Variants in SLC35D4 observed in about 807,000 individuals in gnomAD.
SLC35D4 encodes the protein UDP-N-acetylglucosamine transporter SLC35D4.
At chr18:23,348,392 C>T in the SLC35D4 span, among the ~76,000 whole-genome samples, 4 of 152,162 alleles carry the variant, frequency 2.6e-5, no homozygotes, top group African/African-American at 7.2e-5. Context: ...TCTATATTCA[C>T]GCTTTTCTAC....
the SLC35D4 span, among the ~76,000 whole-genome samples, chr18:23,427,940 G>A: frequency 6.6e-6 from 1 of 151,996 alleles, no homozygotes; most frequent in Non-Finnish European, 1.5e-5. Context: ...AACACCACAC[G>A]TTCTCACTCA....
chr18:23,316,365 G>A, the SLC35D4 span, among the ~76,000 whole-genome samples: 9 of 152,162 alleles, frequency 5.9e-5, no homozygotes, highest in African/African-American at 2.2e-4. Context: ...TCTGAGAGCA[G>A]GCTCTTTTTC....
chr18:23,346,813 G>C, the SLC35D4 span, among the ~76,000 whole-genome samples: 1 of 152,060 alleles, frequency 6.6e-6, no homozygotes, highest in Non-Finnish European at 1.5e-5. Context: ...GTGAAAACAA[G>C]GTATTACATT....
chr18:23,321,724 C>T, the SLC35D4 span, among the ~76,000 whole-genome samples: 1 of 152,102 alleles, frequency 6.6e-6, no homozygotes, highest in Non-Finnish European at 1.5e-5. Context: ...CAAAGTGCTG[C>T]GATTACAGGT....
At chr18:23,265,547 C>T in the SLC35D4 span, among the ~76,000 whole-genome samples, 1 of 146,710 alleles carries the variant, frequency 6.8e-6, no homozygotes, top group South Asian at 2.2e-4. Flanking sequence ...AAAAATATCA[C>T]ATGGCTCTCA....
chr18:23,325,321 A>G, the SLC35D4 span, among the ~76,000 whole-genome samples: 1 of 152,112 alleles, frequency 6.6e-6, no homozygotes, highest in Non-Finnish European at 1.5e-5. Flanking sequence ...TTAAAAAGGT[A>G]GATCAATTCA....
chr18:23,254,224 T>C, the SLC35D4 span, among the ~76,000 whole-genome samples: 1 of 152,264 alleles, frequency 6.6e-6, no homozygotes, highest in African/African-American at 2.4e-5. Context: ...TAGAAGCCAC[T>C]GTACCTGCAA....
At chr18:23,264,949 C>T in the SLC35D4 span, among the ~76,000 whole-genome samples, 3 of 152,186 alleles carry the variant, frequency 2.0e-5, no homozygotes, top group African/African-American at 7.2e-5. Flanking sequence ...CCGGCCTACA[C>T]TTTTAAATAA....
the SLC35D4 span, among the ~76,000 whole-genome samples, chr18:23,408,977 A>C: frequency 6.6e-6 from 1 of 152,040 alleles, no homozygotes; most frequent in Non-Finnish European, 1.5e-5. Flanking sequence ...TCTACTAAAA[A>C]TACAAAAATT....
chr18:23,301,696 G>A, the SLC35D4 span, among the ~76,000 whole-genome samples: 1 of 152,202 alleles, frequency 6.6e-6, no homozygotes, highest in Non-Finnish European at 1.5e-5. Flanking sequence ...ATTCCAAAGA[G>A]AAGGGTGACT....
the SLC35D4 span, among the ~76,000 whole-genome samples, chr18:23,418,226 T>C: frequency 5.3e-5 from 8 of 152,210 alleles, no homozygotes; most frequent in South Asian, 4.1e-4. Context: ...CTTCTGAATA[T>C]GGATTATGAT....
the SLC35D4 span, among the ~76,000 whole-genome samples, chr18:23,314,542 A>G: frequency 6.6e-6 from 1 of 152,180 alleles, no homozygotes; most frequent in African/African-American, 2.4e-5. Context: ...CATACATTAC[A>G]TTTTGTACTC....
At chr18:23,309,807 A>AT in the SLC35D4 span, 198 of 1,503,208 alleles carry the variant, frequency 1.3e-4, no homozygotes, top group Non-Finnish European at 1.6e-4. Context: ...CTCCAATGTC[A>AT]TTTTTTTCAC....
At chr18:23,296,537 A>G in the SLC35D4 span, 2 of 152,130 alleles carry the variant, frequency 1.3e-5, no homozygotes, top group African/African-American at 4.8e-5. Flanking sequence ...TGAACTCCCG[A>G]CCTCAGGTGA....
At chr18:23,436,064 C>T in the SLC35D4 span, among the ~76,000 whole-genome samples, 4 of 121,228 alleles carry the variant, frequency 3.3e-5, no homozygotes, top group East Asian at 2.5e-4. Context: ...GAAACTGAGT[C>T]TTGCTCTGTT....
chr18:23,382,565 G>A, the SLC35D4 span, among the ~76,000 whole-genome samples: 1 of 151,024 alleles, frequency 6.6e-6, no homozygotes. Context: ...TAGGGAGAAA[G>A]AAAAAAAAAT....
At chr18:23,354,003 T>A in the SLC35D4 span, among the ~76,000 whole-genome samples, 2 of 152,208 alleles carry the variant, frequency 1.3e-5, no homozygotes, top group African/African-American at 4.8e-5. Flanking sequence ...CAGGTCTCCA[T>A]GGCTCTTCAG....
chr18:23,389,393 C>T, the SLC35D4 span, among the ~76,000 whole-genome samples: 2 of 152,146 alleles, frequency 1.3e-5, no homozygotes, highest in African/African-American at 4.8e-5. Flanking sequence ...AAAAGGCTTT[C>T]TTCTACTCCT....
At chr18:23,417,663 T>TTGTATACTTAAATTGTATACTTAA in the SLC35D4 span, among the ~76,000 whole-genome samples, 1 of 152,208 alleles carries the variant, frequency 6.6e-6, no homozygotes, top group African/African-American at 2.4e-5. Context: ...AAAAAATGGT[T>TTGTATACTTAAATTGTATACTTAA]AAAATGGTAA....
Sources: allele counts gnomAD v4.1 joint callset (sites outside exome capture counted in the v4.1 genomes callset), GRCh38; gene constraint gnomAD v4.1.1; transcripts MANE v1.5; gene names NCBI Gene and HGNC (gene_info 2026-07-23, HGNC 2026-07-21).